STX18: variants seen among roughly 807,000 people sequenced by gnomAD.
STX18 encodes the protein syntaxin-18.
Under a neutral mutation model 50.1 loss-of-function variants are expected in STX18, and 40 were observed. The ratio of observed to expected loss-of-function variants is 0.80; its 90% CI spans 0.62 to 1.04. The LOEUF is 1.04. Among genes scored for constraint, STX18 ranks in the 50% least tolerant of loss-of-function variants. STX18 has a pLI of 0.00. For missense variants in STX18, 410 were observed against 415.8 expected (o/e 0.99, Z 0.12); for synonymous variants, 158 against 151.8 (o/e 1.04, Z -0.30).
At chr4:4,446,835 A>G (rs1193196528) in intron 5 of STX18, among the ~76,000 whole-genome samples, 5 of 152,268 alleles carry the variant, frequency 3.3e-5, no homozygotes, top group Non-Finnish European at 7.3e-5. Flanking sequence ...ACAAAGGCCT[A>G]TAAAAGAATG....
intron 1 of STX18, among the ~76,000 whole-genome samples, chr4:4,508,311 A>T (rs998506399): frequency 2.0e-5 from 3 of 152,104 alleles, no homozygotes; most frequent in African/African-American, 7.2e-5. Context: ...ACAACAACCT[A>T]TCTCTTTGAA....
chr4:4,434,987 T>G (rs922629783), intron 6 of STX18, 129 bp from the exon 7 acceptor site: 5 of 656,896 alleles, frequency 7.6e-6, no homozygotes, highest in African/African-American at 7.5e-5. Flanking sequence ...TTTCATGATC[T>G]TTGGGCTAAT....
intron 5 of STX18, among the ~76,000 whole-genome samples, chr4:4,448,173 G>A (rs1726532677): frequency 6.6e-6 from 1 of 152,260 alleles, no homozygotes; most frequent in Admixed American, 6.5e-5. Context: ...TGGCTGTCAG[G>A]TTACTCCAGC....
chr4:4,477,778 T>G (rs1018931218), intron 1 of STX18: 1 of 152,344 alleles, frequency 6.6e-6, no homozygotes, highest in East Asian at 1.9e-4. Flanking sequence ...AGAAAAAGCC[T>G]CCACGTGGGC....
chr4:4,420,806 C>T lies in STX18; in HGVS notation c.912+58G>A, dbSNP rs971187296. 21 of 1,491,414 alleles carry T rather than the reference C, an allele frequency of 1.4e-5. No individual in the cohort carries two copies. Among genetic ancestry groups the T allele is most frequent in the Admixed American group, 1.0e-4 (6 of 59,696 alleles). The allele number at this position is 1,491,414 out of a possible 1,614,324, so 92.4% of individuals were successfully genotyped here. ...CAGCTGTGCCGGCGAGACTAACACC[C>T]GCTGCTGGGACTCAGTGCTGCGCCA... is the stretch of plus-strand genomic sequence containing the variant. On this transcript the variant is annotated intron_variant, in intron 10 of 10. Coordinates refer to ENST00000306200, the MANE Select transcript of STX18 (RefSeq NM_016930.4). This position sits in a 1 kb window ranked among gnomAD's most constrained non-coding sequence, Gnocchi z 4.3.
At chr4:4,496,540 C>T (rs1052704821) in intron 1 of STX18, among the ~76,000 whole-genome samples, 1 of 152,212 alleles carries the variant, frequency 6.6e-6, no homozygotes. Flanking sequence ...TCTAATGCAA[C>T]ATCCACTCTC....
intron 1 of STX18, among the ~76,000 whole-genome samples, chr4:4,529,246 C>T (rs891514969): frequency 1.3e-5 from 2 of 152,168 alleles, no homozygotes; most frequent in Non-Finnish European, 2.9e-5. Context: ...CCTGTAGTCC[C>T]AGCTGCTCAG....
chr4:4,431,733 CCCT>C (rs1318865475), intron 7 of STX18, among the ~76,000 whole-genome samples: 4 of 152,210 alleles, frequency 2.6e-5, no homozygotes, highest in Non-Finnish European at 5.9e-5. Flanking sequence ...TGTGCACCCT[CCCT>C]CCTCCTGATG....
At chr4:4,461,569 T>C (rs1466689592) in intron 2 of STX18, among the ~76,000 whole-genome samples, 1 of 152,218 alleles carries the variant, frequency 6.6e-6, no homozygotes, top group Non-Finnish European at 1.5e-5. Flanking sequence ...TTCTTTCAAT[T>C]CCATGATCAT....
At chr4:4,496,770 A>C (rs1729195008) in intron 1 of STX18, among the ~76,000 whole-genome samples, 2 of 152,098 alleles carry the variant, frequency 1.3e-5, no homozygotes, top group South Asian at 4.1e-4. Context: ...AAAAATTACC[A>C]CCAGTCATGT....
At chr4:4,473,192 A>G (rs1421434143) in intron 1 of STX18, among the ~76,000 whole-genome samples, 1 of 152,086 alleles carries the variant, frequency 6.6e-6, no homozygotes, top group Non-Finnish European at 1.5e-5. Context: ...AAAGCTCAGG[A>G]CTGAGTCCAA....
At chr4:4,512,834 T>C (rs996024799) in intron 1 of STX18, among the ~76,000 whole-genome samples, 1 of 152,194 alleles carries the variant, frequency 6.6e-6, no homozygotes, top group Non-Finnish European at 1.5e-5. Context: ...TGCTCAAAGT[T>C]AGACATGGCA....
intron 1 of STX18, among the ~76,000 whole-genome samples, chr4:4,498,297 T>C (rs1477489488): frequency 6.6e-6 from 1 of 152,198 alleles, no homozygotes; most frequent in African/African-American, 2.4e-5. Flanking sequence ...GCAGTGACTT[T>C]TCTTCGCAAA....
At chr4:4,452,346 C>G (rs1302472804) in intron 5 of STX18, among the ~76,000 whole-genome samples, 1 of 152,194 alleles carries the variant, frequency 6.6e-6, no homozygotes. Context: ...ATCAAAGTGG[C>G]TATACTAAAC....
At chr4:4,507,184 G>T (rs1577385353) in intron 1 of STX18, 1 of 583,094 alleles carries the variant, frequency 1.7e-6, no homozygotes. Context: ...ACTCCCTCTT[G>T]ATGCTCAGCA....
In STX18 at chr4:4,419,131, T is replaced by C. The variant is rs1161611607; in HGVS notation, c.*903A>G. 1.3e-5 allele frequency: 2 copies of C among 152,300 alleles called. No individual in the cohort carries two copies. The highest frequency in any genetic ancestry group is 6.5e-5 in the Admixed American group (1 of 15,292). 9.4% of individuals were successfully genotyped at this position (152,300 alleles called of 1,614,324 possible). On this transcript the variant is annotated 3_prime_UTR_variant, in exon 11 of 11. Coordinates refer to ENST00000306200, the MANE Select transcript of STX18 (RefSeq NM_016930.4). ...CGCAGTGCAGACTGTCTCATGCCCA[T>C]GTGGGCGCTGGGATGCTTCCTGTAC...
At chr4:4,528,309 T>G (rs1213682249) in intron 1 of STX18, among the ~76,000 whole-genome samples, 1 of 152,122 alleles carries the variant, frequency 6.6e-6, no homozygotes, top group Non-Finnish European at 1.5e-5. Flanking sequence ...TGGGAGGTGT[T>G]GGATCATGAG....
intron 7 of STX18, among the ~76,000 whole-genome samples, chr4:4,433,982 C>A (rs1292605717): frequency 6.6e-6 from 1 of 152,196 alleles, no homozygotes; most frequent in African/African-American, 2.4e-5. Context: ...TGTTCCACCA[C>A]CTCTTTGTGC....
At chr4:4,542,289 C>T (rs1037710593), upstream of STX18, 43 of 243,362 alleles carry the variant, frequency 1.8e-4, no homozygotes, top group East Asian at 3.5e-3. Context: ...GCTCCGGGAG[C>T]GTGAGGACCG....
Sources: allele counts gnomAD v4.1 joint callset (sites outside exome capture counted in the v4.1 genomes callset), GRCh38; gene constraint gnomAD v4.1.1; non-coding constraint Gnocchi (gnomAD v3.1); transcripts MANE v1.5; gene names NCBI Gene and HGNC (gene_info 2026-07-23, HGNC 2026-07-21).